The following ATRN variants were observed in gnomAD, a reference collection of about 807,000 sequenced individuals.
ATRN encodes the protein attractin, also known as attractin-2.
In ATRN, 54 loss-of-function variants were observed where a neutral mutation model predicts 178.7. The observed-to-expected ratio is 0.30, with a 90% CI of 0.24 to 0.38. The LOEUF is 0.38. Ranked by LOEUF, ATRN falls within the 10% of genes least tolerant of loss-of-function variation. The pLI is 1.00. For synonymous variants in ATRN, 636 were observed against 663.0 expected, an observed-to-expected ratio of 0.96 and a Z score of 0.63; for missense variants, 1,443 against 1,815.1, an observed-to-expected ratio of 0.79 and a Z score of 3.73.
intron 1 of ATRN, among the ~76,000 whole-genome samples, chr20:3,519,473 G>A (rs1460726209): frequency 6.6e-6 from 1 of 152,130 alleles, no homozygotes; most frequent in Admixed American, 6.5e-5. Context: ...TAAAAGAGGG[G>A]CAGTGCAAGA....
At chr20:3,590,892 G>C (rs2086432089) in intron 18 of ATRN, among the ~76,000 whole-genome samples, 1 of 152,078 alleles carries the variant, frequency 6.6e-6, no homozygotes, top group Admixed American at 6.5e-5. Context: ...TAAGTATACT[G>C]TCATGAGCAT....
At chr20:3,584,586 G>A in intron 17 of ATRN, 61 bp from the exon 18 acceptor site, 2 of 1,227,278 alleles carry the variant, frequency 1.6e-6, no homozygotes, top group Non-Finnish European at 2.3e-6. Context: ...TAAAAAAAAA[G>A]TAAATACAGT....
At chr20:3,636,641 TTAAC>T (rs768408088) in intron 26 of ATRN, among the ~76,000 whole-genome samples, 7 of 152,242 alleles carry the variant, frequency 4.6e-5, no homozygotes, top group Non-Finnish European at 8.8e-5. Context: ...TTTACGTAGA[TTAAC>T]TAATCCTTAT....
At position 3,638,097 on chromosome 20, in the gene ATRN, C is replaced by T. The variant is rs75858800; in HGVS notation, c.3943-731C>T. 0.017 allele frequency among the ~76,000 whole-genome samples: 2,529 copies of T among 152,258 alleles called. 70 individuals are homozygous for T. The highest frequency in any genetic ancestry group is 0.058 in the African/African-American group (2,400 of 41,542). The stretch of plus-strand genomic sequence containing the variant: ...CAAGTCGACGTCATAGCATTAAATC[C>T]ACAGTACTTTTATTTTTATCTTTAT... On this transcript the variant is annotated intron_variant, in intron 26 of 28. Coordinates refer to ENST00000262919, the MANE Select transcript of ATRN (RefSeq NM_139321.3). The surrounding 1 kb of genome is among the most constrained non-coding windows in gnomAD (Gnocchi z 4.5).
intron 22 of ATRN, among the ~76,000 whole-genome samples, chr20:3,599,441 A>G (rs183520887): frequency 6.5e-4 from 99 of 152,330 alleles, no homozygotes; most frequent in Admixed American, 1.0e-3. Context: ...CTTACGACAG[A>G]ATACTTACTA....
At chr20:3,532,314 A>G (rs1405512210) in intron 1 of ATRN, among the ~76,000 whole-genome samples, 1 of 152,232 alleles carries the variant, frequency 6.6e-6, no homozygotes, top group African/African-American at 2.4e-5. Flanking sequence ...CACACACGGA[A>G]TAAAACAATA....
At chr20:3,578,804 G>T (rs1248691420) in intron 15 of ATRN, 32 bp downstream of exon 15, 1 of 1,585,368 alleles carries the variant, frequency 6.3e-7, no homozygotes, top group African/African-American at 1.4e-5. Context: ...TTAAGTTTCT[G>T]GTTATCCACC....
intron 27 of ATRN, among the ~76,000 whole-genome samples, chr20:3,643,445 C>T (rs986064192): frequency 1.3e-5 from 2 of 151,668 alleles, no homozygotes; most frequent in Non-Finnish European, 2.9e-5. Context: ...GTGGGAGGAT[C>T]GCTTGAGCCC....
At chr20:3,568,302 A>C (rs1007668876) in intron 11 of ATRN, among the ~76,000 whole-genome samples, 1 of 151,222 alleles carries the variant, frequency 6.6e-6, no homozygotes, top group African/African-American at 2.4e-5. Flanking sequence ...AAAAAAAAAA[A>C]AGAGAAAGAA....
rs1268064018 is a variant in ATRN at position 3,545,471 on chromosome 20, T to G, written c.609-291T>G. Among the ~76,000 whole-genome samples the G allele has an allele frequency of 2.0e-5, 3 of 152,210 alleles. No individual in the cohort carries two copies. The East Asian group carries it at 5.8e-4, about 29-fold the overall frequency. ...TTTATGTGATTGTGGAGGTTTATTTTTTCAAAGAAGCAGTATAAAAAGTTT... is the reference window on the plus strand; with the variant it reads ...TTTATGTGATTGTGGAGGTTTATTTGTTCAAAGAAGCAGTATAAAAAGTTT... On this transcript the variant is annotated intron_variant, in intron 3 of 28. Transcript: ENST00000262919.
At chr20:3,626,694 C>T (rs640498) in intron 25 of ATRN, among the ~76,000 whole-genome samples, 22,602 of 151,982 alleles carry the variant, frequency 0.15, 1,816 homozygotes, top group Non-Finnish European at 0.18. Flanking sequence ...ACTCACAACC[C>T]CCTGCCTCTT....
chr20:3,555,251 C>G (rs1026608558), intron 6 of ATRN, among the ~76,000 whole-genome samples: 1 of 152,032 alleles, frequency 6.6e-6, no homozygotes, highest in Non-Finnish European at 1.5e-5. Flanking sequence ...GATCCACCCG[C>G]CTCGGCCTCC....
At chr20:3,607,324 A>T (rs34586452) in intron 24 of ATRN, among the ~76,000 whole-genome samples, 17,368 of 152,220 alleles carry the variant, frequency 0.11, 1,284 homozygotes, top group Non-Finnish European at 0.17. Flanking sequence ...CTATTGTGCC[A>T]TTGAACACTA....
At chr20:3,506,563 G>A (rs1026300483) in intron 1 of ATRN, among the ~76,000 whole-genome samples, 6 of 151,648 alleles carry the variant, frequency 4.0e-5, no homozygotes, top group Non-Finnish European at 7.4e-5. Flanking sequence ...GGCGGAGGCT[G>A]CAGTGAGTTG....
intron 22 of ATRN, among the ~76,000 whole-genome samples, chr20:3,600,674 T>G (rs1279089138): frequency 1.3e-5 from 2 of 152,136 alleles, no homozygotes; most frequent in Non-Finnish European, 2.9e-5. Context: ...CTGATAGGGG[T>G]CTTTTTAAAA....
intron 24 of ATRN, among the ~76,000 whole-genome samples, chr20:3,617,407 G>A (rs1482401977): frequency 1.3e-5 from 2 of 152,200 alleles, no homozygotes; most frequent in African/African-American, 4.8e-5. Context: ...GGGAAAGTAA[G>A]TGTAGTGTGG....
At chr20:3,636,761 G>A (rs1333270662) in intron 26 of ATRN, among the ~76,000 whole-genome samples, 9 of 152,236 alleles carry the variant, frequency 5.9e-5, no homozygotes, top group Non-Finnish European at 1.0e-4. Context: ...CTAAGAGGCA[G>A]ACGAGGCTTT....
At chr20:3,639,006 G>A in intron 27 of ATRN, 71 bp downstream of exon 27, 2 of 1,280,672 alleles carry the variant, frequency 1.6e-6, no homozygotes, top group Admixed American at 4.3e-5. Flanking sequence ...TGGGAAACCA[G>A]AGAGAGCAAA....
chr20:3,596,952 A>T (rs2086538559), intron 21 of ATRN, among the ~76,000 whole-genome samples: 1 of 151,760 alleles, frequency 6.6e-6, no homozygotes, highest in Non-Finnish European at 1.5e-5. Context: ...GACCAGAAAA[A>T]AGGAGTTAAT....
Sources: allele counts gnomAD v4.1 joint callset (sites outside exome capture counted in the v4.1 genomes callset), GRCh38; gene constraint gnomAD v4.1.1; non-coding constraint Gnocchi (gnomAD v3.1); transcripts MANE v1.5; gene names NCBI Gene and HGNC (gene_info 2026-07-23, HGNC 2026-07-21).